The following RPTOR variants were observed in gnomAD, a reference collection of about 807,000 sequenced individuals.
RPTOR encodes the protein regulatory-associated protein of mTOR.
In RPTOR, 21 loss-of-function variants were observed where a neutral mutation model predicts 169.9. The observed-to-expected ratio is 0.12, with a 90% confidence interval of 0.09 to 0.18. The LOEUF (loss-of-function observed/expected upper bound fraction) is 0.18. Ranked by LOEUF, RPTOR falls within the 10% of genes least tolerant of loss-of-function variation. The pLI is 1.00. For missense variants in RPTOR, 1,133 were observed against 1,855.9 expected (o/e 0.61, Z 7.16); for synonymous variants, 732 against 753.2 (o/e 0.97, Z 0.46).
At chr17:80,678,992 C>A (rs2065879315) in intron 3 of RPTOR, among the ~76,000 whole-genome samples, 1 of 152,208 alleles carries the variant, frequency 6.6e-6, no homozygotes, top group African/African-American at 2.4e-5. Flanking sequence ...CAGGGCATTT[C>A]TCTCGCTCTT....
At chr17:80,829,980 C>T (rs1364466826) in intron 9 of RPTOR, among the ~76,000 whole-genome samples, 1 of 152,126 alleles carries the variant, frequency 6.6e-6, no homozygotes, top group East Asian at 1.9e-4. Flanking sequence ...AAACACGAGT[C>T]AGTTCCATTT....
intron 20 of RPTOR, among the ~76,000 whole-genome samples, chr17:80,896,989 G>A (rs9904262): frequency 0.048 from 7,351 of 152,264 alleles, 354 homozygotes; most frequent in African/African-American, 0.12. Context: ...GGCTGGGCAC[G>A]GTCCCTCACG....
intron 3 of RPTOR, among the ~76,000 whole-genome samples, chr17:80,648,843 A>G (rs1454064010): frequency 6.6e-6 from 1 of 152,106 alleles, no homozygotes; most frequent in Non-Finnish European, 1.5e-5. Flanking sequence ...TAATCGAATC[A>G]TAGGGGCGGG....
At chr17:80,809,277 C>T (rs1043000629) in intron 7 of RPTOR, among the ~76,000 whole-genome samples, 3 of 152,160 alleles carry the variant, frequency 2.0e-5, no homozygotes, top group Non-Finnish European at 4.4e-5. Context: ...CTGCAACCTC[C>T]GCCTCCCGGG....
intron 20 of RPTOR, among the ~76,000 whole-genome samples, chr17:80,900,880 A>G (rs889849156): frequency 2.5e-4 from 38 of 152,362 alleles, no homozygotes; most frequent in Admixed American, 1.2e-3. Flanking sequence ...CTGGGTCACC[A>G]TGGCACCATT....
chr17:80,946,644 A>G (rs1451768971), intron 26 of RPTOR, among the ~76,000 whole-genome samples: 1 of 152,260 alleles, frequency 6.6e-6, no homozygotes, highest in Non-Finnish European at 1.5e-5. Flanking sequence ...AAGCTACAGC[A>G]CGTCAGAATT....
At chr17:80,617,421 T>C (rs556497048) in intron 1 of RPTOR, among the ~76,000 whole-genome samples, 1 of 152,360 alleles carries the variant, frequency 6.6e-6, no homozygotes, top group South Asian at 2.1e-4. Flanking sequence ...TCTGAAAGTA[T>C]GTTTTTGTAA....
At chr17:80,585,958 C>T (rs552563016) in intron 1 of RPTOR, among the ~76,000 whole-genome samples, 3 of 151,746 alleles carry the variant, frequency 2.0e-5, no homozygotes, top group East Asian at 1.9e-4. Flanking sequence ...CTCAATACAA[C>T]GCATTAAATA....
chr17:80,686,964 G>A (rs2065953010), intron 3 of RPTOR, among the ~76,000 whole-genome samples: 1 of 143,456 alleles, frequency 7.0e-6, no homozygotes, highest in African/African-American at 2.5e-5. Context: ...AGTCAGAGCT[G>A]ATGGCAAACT....
rs1398013720 is a variant in RPTOR, at chr17:80,744,227, T to G, written c.655-9783T>G. Among the ~76,000 whole-genome samples, 2 of 69,540 alleles carry G rather than the reference T, an allele frequency of 2.9e-5. 1 individual carries two copies. The highest frequency in any genetic ancestry group is 5.9e-5 in the Non-Finnish European group (2 of 34,186). 45.6% of individuals were successfully genotyped at this position (69,540 alleles called of 152,430 possible). On this transcript the variant is annotated intron_variant, in intron 5 of 33. Transcript: ENST00000306801. Reference sequence around the variant, plus strand: ...TGGTTACTAGCACTGTCCTGGCTACTAGCACAGCCCTGGTTACTAGCACTG... The same window carrying G: ...TGGTTACTAGCACTGTCCTGGCTACGAGCACAGCCCTGGTTACTAGCACTG...
chr17:80,702,806 T>C (rs9895186), intron 3 of RPTOR, among the ~76,000 whole-genome samples: 40,448 of 152,124 alleles, frequency 0.27, 7,457 homozygotes, highest in African/African-American at 0.53. Flanking sequence ...CTGTGTGGCG[T>C]GGAAGAACAG....
chr17:80,878,113 C>T lies in RPTOR; in HGVS notation c.1510-2302C>T, dbSNP rs1480963574. 5.9e-5 allele frequency among the ~76,000 whole-genome samples: 9 copies of T among 152,228 alleles called. No individual in the cohort carries two copies. The highest frequency in any genetic ancestry group is 1.3e-4 in the Non-Finnish European group (9 of 68,046). ...ATCCAGTTCTTAAAATTCCGGCCCTCTGTCCTTGCATGGCCTTCGTCCTCT... is the reference window on the plus strand; with the variant it reads ...ATCCAGTTCTTAAAATTCCGGCCCTTTGTCCTTGCATGGCCTTCGTCCTCT... On this transcript the variant is annotated intron_variant, in intron 13 of 33. Transcript: ENST00000306801. The surrounding 1 kb of genome is among the most constrained non-coding windows in gnomAD (Gnocchi z 4.1).
chr17:80,610,720 A>G (rs2065264502), intron 1 of RPTOR, among the ~76,000 whole-genome samples: 1 of 152,126 alleles, frequency 6.6e-6, no homozygotes, highest in Non-Finnish European at 1.5e-5. Flanking sequence ...CGTGCCACCC[A>G]CCAGGAGAAG....
chr17:80,577,058 C>T lies in RPTOR; in HGVS notation c.162+31267C>T, dbSNP rs572836174. On this transcript the variant is annotated intron_variant, in intron 1 of 33. Coordinates refer to ENST00000306801, the MANE Select transcript of RPTOR (RefSeq NM_020761.3). Reference sequence around the variant, plus strand: ...CTTTTTTTTTTTTTTTGAGATGAAGCTTCGCTCTTTTTGCCCAGGCTGGAG... The same window carrying T: ...CTTTTTTTTTTTTTTTGAGATGAAGTTTCGCTCTTTTTGCCCAGGCTGGAG... Among the ~76,000 whole-genome samples the T allele has an allele frequency of 1.5e-3, 223 of 144,382 alleles. 1 individual carries two copies. The highest frequency in any genetic ancestry group is 2.8e-3 in the Non-Finnish European group (187 of 66,372). The allele number at this position is 144,382 out of a possible 152,430, so 94.7% of individuals were successfully genotyped here.
chr17:80,716,537 C>A (rs901005050), intron 4 of RPTOR, among the ~76,000 whole-genome samples: 12 of 152,160 alleles, frequency 7.9e-5, no homozygotes, highest in African/African-American at 2.4e-4. Context: ...ACTCTGCTGA[C>A]TGTTCCTTTT....
chr17:80,731,894 TATTA>T (rs1217092026), intron 5 of RPTOR, among the ~76,000 whole-genome samples: 9 of 152,244 alleles, frequency 5.9e-5, no homozygotes, highest in East Asian at 1.9e-4. Flanking sequence ...ATTTTATAAT[TATTA>T]ATTCTTTATG....
chr17:80,771,937 A>G (rs2143416677), intron 6 of RPTOR, among the ~76,000 whole-genome samples: 1 of 152,280 alleles, frequency 6.6e-6, no homozygotes, highest in Non-Finnish European at 1.5e-5. Flanking sequence ...CTCCCACCTC[A>G]GCCTCCCTGG....
chr17:80,932,296 A>C (rs1402584335), intron 24 of RPTOR, among the ~76,000 whole-genome samples: 1 of 152,140 alleles, frequency 6.6e-6, no homozygotes. Flanking sequence ...ACTTGAGCCC[A>C]GGAGTTCAAG....
rs533489876 is a variant in RPTOR at position 80,738,492 on chromosome 17, C to A, written c.654+7786C>A. ...TTTCTCTGCATAAAAAATTTAAGAA[C>A]CCTTACCGCTGATGACCTTAAATGA... On this transcript the variant is annotated intron_variant, in intron 5 of 33. Transcript: ENST00000306801. Among the ~76,000 whole-genome samples, 3 of 150,664 alleles carry A rather than the reference C, an allele frequency of 2.0e-5. No homozygotes were observed. The East Asian group carries it at 5.8e-4, about 29-fold the overall frequency.
Sources: allele counts gnomAD v4.1 joint callset (sites outside exome capture counted in the v4.1 genomes callset), GRCh38; gene constraint gnomAD v4.1.1; non-coding constraint Gnocchi (gnomAD v3.1); transcripts MANE v1.5; gene names NCBI Gene and HGNC (gene_info 2026-07-23, HGNC 2026-07-21).